The following ABCC2 variants were observed in gnomAD, a reference collection of about 807,000 sequenced individuals.
ABCC2 encodes ATP-binding cassette sub-family C member 2.
In ABCC2, 157 loss-of-function variants were observed where a neutral mutation model predicts 173.4. That is an observed-to-expected ratio of 0.91 (90% CI 0.80 to 1.03). The LOEUF (loss-of-function observed/expected upper bound fraction) is 1.03, where lower values mean the gene tolerates loss of function less well. Ranked by LOEUF, ABCC2 falls within the 50% of genes least tolerant of loss-of-function variation. The probability of loss-of-function intolerance (pLI) is 0.00; values close to 1 mark genes in which losing one functional copy is unlikely to be tolerated. For missense variants in ABCC2, 1,822 were observed against 1,852.3 expected (o/e 0.98, Z 0.30); for synonymous variants, 657 against 693.5 (o/e 0.95, Z 0.83).
chr10:99,797,561 G>A (rs763519462), intron 7 of ABCC2: 7 of 541,104 alleles, frequency 1.3e-5, no homozygotes, highest in South Asian at 2.2e-5. Flanking sequence ...AGAATGAAAC[G>A]TGGTTTTGAA....
At chr10:99,805,912 C>CA (rs1248460003) in intron 11 of ABCC2, among the ~76,000 whole-genome samples, 2 of 151,872 alleles carry the variant, frequency 1.3e-5, no homozygotes, top group Admixed American at 6.6e-5. Flanking sequence ...ATCATACCTA[C>CA]AAAAAAAATT....
chr10:99,814,701 A>ATGTGTATACATGTATATACACATATG (rs1590167237), intron 16 of ABCC2, among the ~76,000 whole-genome samples: 1 of 143,864 alleles, frequency 7.0e-6, no homozygotes, highest in East Asian at 2.1e-4. Context: ...ATACACATAT[A>ATGTGTATACATGTATATACACATATG]TGTGTATACA....
intron 16 of ABCC2, among the ~76,000 whole-genome samples, chr10:99,815,289 GGC>G (rs942805712): frequency 6.6e-6 from 1 of 152,064 alleles, no homozygotes; most frequent in Non-Finnish European, 1.5e-5. Context: ...TCCTTTTTAT[GGC>G]TGCATAGTAT....
chr10:99,824,671 A>C (rs199752627), intron 19 of ABCC2, among the ~76,000 whole-genome samples: 685 of 113,832 alleles, frequency 6.0e-3, no homozygotes, highest in East Asian at 9.8e-3. Context: ...GGGATGGTAA[A>C]AAAGCAATCC....
intron 6 of ABCC2, among the ~76,000 whole-genome samples, chr10:99,795,407 G>C (rs749823190): frequency 5.4e-4 from 82 of 152,060 alleles, no homozygotes; most frequent in Non-Finnish European, 9.6e-4. Flanking sequence ...GAGAACATGT[G>C]GGATTTCTCA....
chr10:99,832,418 G>A (rs554038176), intron 23 of ABCC2, among the ~76,000 whole-genome samples: 33 of 140,204 alleles, frequency 2.4e-4, no homozygotes, highest in Non-Finnish European at 4.6e-4. Flanking sequence ...TGTGTAGAAA[G>A]GTGGTCTGGG....
Position 99,845,757 on chromosome 10 carries a change from G to T in ABCC2, c.4121G>T (p.Arg1374Leu). The T allele has an allele frequency of 1.2e-6, 2 of 1,612,746 alleles. No homozygotes were observed. Among genetic ancestry groups the T allele is most frequent in the East Asian group, 2.2e-5 (1 of 44,856 alleles). Residue 1374 changes from arginine to leucine, a missense_variant, in exon 29 of 32, where the codon CGA becomes CTA. Coordinates refer to ENST00000647814, the MANE Select transcript of ABCC2 (RefSeq NM_000392.5). ...GCTTCCATTGGGCTCCACGACCTCCGAGAGAAGCTGACCATCATCCCCCAG... is the reference window on the plus strand; with the variant it reads ...GCTTCCATTGGGCTCCACGACCTCCTAGAGAAGCTGACCATCATCCCCCAG... ...DIASIGLHDL[R>L]EKLTIIPQDP...
Position 99,851,678 on chromosome 10 carries a change from T to G in ABCC2, c.*47T>G. The G allele has an allele frequency of 1.3e-6, 2 of 1,514,952 alleles. No homozygotes were observed. Among genetic ancestry groups the G allele is most frequent in the Non-Finnish European group, 1.8e-6 (2 of 1,112,600 alleles). 93.8% of individuals were successfully genotyped at this position (1,514,952 alleles called of 1,614,324 possible). ...AAAGGACTATAAGAATAATTTCTTA[T>G]TTAATTTTATTTTTTATAAAATACA... On this transcript the variant is annotated 3_prime_UTR_variant, in exon 32 of 32. Coordinates refer to ENST00000647814, the MANE Select transcript of ABCC2 (RefSeq NM_000392.5).
chr10:99,817,552 G>A, intron 17 of ABCC2, 68 bp downstream of exon 17: 1 of 1,533,264 alleles, frequency 6.5e-7, no homozygotes, highest in Non-Finnish European at 9.0e-7. Context: ...GGATGGTGGT[G>A]AAGAACTACA....
Position 99,807,896 on chromosome 10 carries a change from AATTG to A in ABCC2, c.1669-185_1669-182del, listed in dbSNP as rs779397256. Among the ~76,000 whole-genome samples the A allele has an allele frequency of 4.9e-3, 753 of 152,304 alleles. 4 individuals carry two copies. The highest frequency in any genetic ancestry group is 7.7e-3 in the Non-Finnish European group (525 of 68,032). On this transcript the variant is annotated intron_variant, in intron 12 of 31. Transcript: ENST00000647814. The stretch of plus-strand genomic sequence containing the variant: ...TGAGCTCTGGTCCTAGTAATCCATT[AATTG>A]ACTTTGTGACCTTGGAGAAGATATT...
rs1391139240 is a variant in ABCC2 at position 99,799,333 on chromosome 10, A to G, written c.994A>G (p.Asn332Asp). ...LLKSFLLKLVNDIFTFVSPQL... is the reference protein window; with the variant it reads ...LLKSFLLKLVDDIFTFVSPQL... Reference sequence around the variant, plus strand: ...GAAATCATTCCTACTGAAGCTAGTGAATGACATCTTCACGTTTGTGAGTCC... The same window carrying G: ...GAAATCATTCCTACTGAAGCTAGTGGATGACATCTTCACGTTTGTGAGTCC... The change falls in exon 8 of 32, where the codon AAT (asparagine) becomes GAT (aspartate). Residue 332 changes from asparagine (N) to aspartate (D), a missense_variant. Coordinates refer to ENST00000647814, the MANE Select transcript of ABCC2 (RefSeq NM_000392.5). The G allele has an allele frequency of 6.2e-7, 1 of 1,614,214 alleles. No individual in the cohort carries two copies.
At chr10:99,851,438 T>A in intron 31 of ABCC2, 64 bp from the exon 32 acceptor site, 1 of 1,603,272 alleles carries the variant, frequency 6.2e-7, no homozygotes. Flanking sequence ...CTGGTTATTC[T>A]TATAAATGCC....
chr10:99,788,230 C>A (rs544634054), intron 2 of ABCC2, among the ~76,000 whole-genome samples: 3 of 152,104 alleles, frequency 2.0e-5, no homozygotes, highest in Non-Finnish European at 4.4e-5. Context: ...CAAATGCTAG[C>A]GTCCCATATG....
At chr10:99,791,856 C>T (rs112008426) in intron 2 of ABCC2, among the ~76,000 whole-genome samples, 11 of 152,154 alleles carry the variant, frequency 7.2e-5, no homozygotes, top group Non-Finnish European at 1.0e-4. Flanking sequence ...ATCCACATTG[C>T]TTTTTTATGC....
At chr10:99,807,283 C>T (rs1254702828) in intron 11 of ABCC2, 101 bp from the exon 12 acceptor site, 2 of 1,461,000 alleles carry the variant, frequency 1.4e-6, no homozygotes. Flanking sequence ...TTTCTATTCC[C>T]CACATTTTGG....
chr10:99,785,494 T>A (rs2037692197), intron 2 of ABCC2, among the ~76,000 whole-genome samples: 1 of 152,088 alleles, frequency 6.6e-6, no homozygotes, highest in Non-Finnish European at 1.5e-5. Flanking sequence ...TTTCACTATT[T>A]TTTTTTCTAT....
chr10:99,830,417 C>G lies in ABCC2; in HGVS notation c.2731C>G (p.Arg911Gly), dbSNP rs756825916. 3 of 1,614,104 alleles carry G rather than the reference C, an allele frequency of 1.9e-6. No individual in the cohort carries two copies. Among genetic ancestry groups the G allele is most frequent in the Admixed American group, 3.3e-5 (2 of 60,010 alleles). The change falls in exon 20 of 32, where the codon CGA becomes GGA. Residue 911 changes from arginine (R) to glycine (G), a missense_variant. Arg to Gly is a moderately radical substitution (Grantham distance 125, BLOSUM62 -2). Transcript: ENST00000647814. ...ITMRRENSFR[R>G]TLSRSSRSNG... Reference sequence around the variant, plus strand: ...CATGAGAAGAGAGAACAGCTTTCGTCGAACACTTAGCCGCAGGTTGGCTAT... The same window carrying G: ...CATGAGAAGAGAGAACAGCTTTCGTGGAACACTTAGCCGCAGGTTGGCTAT...
At chr10:99,814,753 A>G (rs1590167448) in intron 16 of ABCC2, among the ~76,000 whole-genome samples, 1 of 138,580 alleles carries the variant, frequency 7.2e-6, no homozygotes, top group Non-Finnish European at 1.6e-5. Context: ...ATGTATGTAT[A>G]TACACACACA....
chr10:99,845,641 G>A lies in ABCC2; in HGVS notation c.4005G>A (p.Arg1335=). The A allele has an allele frequency of 6.2e-7, 1 of 1,614,024 alleles. No individual in the cohort carries two copies. The highest frequency in any genetic ancestry group is 8.5e-7 in the Non-Finnish European group (1 of 1,179,994). ...ATTCGCAGATTGGTGTGGTGGGCAG[G>A]ACAGGAGCTGGAAAGTCATCCCTCA... ...GSMEKIGVVG[R]TGAGKSSLTN... The change falls in exon 29 of 32, where the codon AGG becomes AGA. Residue 1335 remains arginine (R), a synonymous_variant. Coordinates refer to ENST00000647814, the MANE Select transcript of ABCC2 (RefSeq NM_000392.5).
Sources: allele counts gnomAD v4.1 joint callset (sites outside exome capture counted in the v4.1 genomes callset), GRCh38; gene constraint gnomAD v4.1.1; transcripts MANE v1.5; gene names NCBI Gene and HGNC (gene_info 2026-07-23, HGNC 2026-07-21).